Variants in NAA15 observed in about 807,000 individuals in gnomAD.
NAA15 encodes N-alpha-acetyltransferase 15, NatA auxiliary subunit, also known as N-terminal acetyltransferase.
In NAA15, 34 loss-of-function variants were observed where a neutral mutation model predicts 114.0. That is an observed-to-expected ratio of 0.30 (90% CI 0.23 to 0.40). NAA15 has a LOEUF of 0.40. NAA15 is among the 10% of genes least tolerant of loss of function. NAA15 has a pLI of 1.00. For synonymous variants in NAA15, 340 were observed against 338.0 expected (o/e 1.01, Z -0.06); for missense variants, 658 against 1,004.5 (o/e 0.66, Z 4.66).
chr4:139,353,909 G>C (rs1326850138), intron 9 of NAA15, 117 bp from the exon 10 acceptor site: 1 of 698,926 alleles, frequency 1.4e-6, no homozygotes, highest in Non-Finnish European at 2.4e-6. Flanking sequence ...TTTAATAAAG[G>C]AGGGTGTGTG....
chr4:139,330,754 G>A (rs1420913376), intron 1 of NAA15, among the ~76,000 whole-genome samples: 1 of 152,158 alleles, frequency 6.6e-6, no homozygotes, highest in Non-Finnish European at 1.5e-5. Context: ...AGGATTGCTG[G>A]AGCCTGTGAT....
chr4:139,384,790 CAG>C, intron 17 of NAA15, 40 bp from the exon 18 acceptor site: 2 of 1,257,986 alleles, frequency 1.6e-6, no homozygotes, highest in Non-Finnish European at 2.1e-6. Flanking sequence ...TAAACTTTAT[CAG>C]AGTATTCAAC....
intron 1 of NAA15, among the ~76,000 whole-genome samples, chr4:139,318,099 T>A (rs1315596392): frequency 6.6e-6 from 1 of 152,242 alleles, no homozygotes; most frequent in Non-Finnish European, 1.5e-5. Flanking sequence ...TTTTCACTTC[T>A]GTGTCCAAAA....
At chr4:139,379,079 A>C in intron 17 of NAA15, 1 of 336,376 alleles carries the variant, frequency 3.0e-6, no homozygotes, top group Non-Finnish European at 5.3e-6. Context: ...GATATTTGAG[A>C]ATCATCTTTG....
At position 139,361,874 on chromosome 4, in the gene NAA15, A is replaced by C; in HGVS notation, c.1690A>C (p.Ile564Leu). The C allele has an allele frequency of 6.2e-7, 1 of 1,613,768 alleles. No individual in the cohort carries two copies. The highest frequency in any genetic ancestry group is 8.5e-7 in the Non-Finnish European group (1 of 1,179,840). ...YFKAARIAIE[I>L]YLKLHDNPLT... Reference sequence around the variant, plus strand: ...CAAGGCAGCAAGAATTGCTATAGAGATCTATTTGAAGCTTCATGACAACCC... The same window carrying C: ...CAAGGCAGCAAGAATTGCTATAGAGCTCTATTTGAAGCTTCATGACAACCC... Residue 564 changes from isoleucine (I) to leucine (L), a missense_variant, in exon 14 of 20, where the codon ATC becomes CTC. Ile to Leu is a conservative substitution (Grantham distance 5). Transcript: ENST00000296543.
intron 6 of NAA15, among the ~76,000 whole-genome samples, chr4:139,346,075 C>T (rs1049747156): frequency 4.6e-5 from 7 of 152,034 alleles, no homozygotes; most frequent in Admixed American, 6.6e-5. Context: ...TTTTTCATAG[C>T]GTGTATTTGT....
Position 139,388,352 on chromosome 4 carries a change from C to A in NAA15, c.*268C>A. The A allele has an allele frequency of 4.0e-6, 1 of 248,178 alleles. No homozygotes were observed. The highest frequency in any genetic ancestry group is 7.8e-6 in the Non-Finnish European group (1 of 128,940). 15.4% of individuals were successfully genotyped at this position (248,178 alleles called of 1,614,324 possible). ...ACCTTATCCTATTCCTCCCCACCCA[C>A]CCATGTTTTTAAACTAATTTATATA... On this transcript the variant is annotated 3_prime_UTR_variant, in exon 20 of 20. Transcript: ENST00000296543.
At chr4:139,361,105 A>G (rs905710293) in intron 13 of NAA15, among the ~76,000 whole-genome samples, 11 of 152,140 alleles carry the variant, frequency 7.2e-5, no homozygotes, top group African/African-American at 2.4e-4. Flanking sequence ...ACTCATTTCC[A>G]TGACTAGTGG....
At chr4:139,353,345 T>C (rs766833217) in intron 9 of NAA15, among the ~76,000 whole-genome samples, 20 of 152,188 alleles carry the variant, frequency 1.3e-4, no homozygotes, top group Non-Finnish European at 2.1e-4. Flanking sequence ...TTATTGAGGT[T>C]TTGGAAAGAG....
At chr4:139,319,366 A>G (rs976901346) in intron 1 of NAA15, among the ~76,000 whole-genome samples, 1 of 151,768 alleles carries the variant, frequency 6.6e-6, no homozygotes, top group Non-Finnish European at 1.5e-5. Context: ...TTGGCCTCCC[A>G]AAGTGCTGGG....
chr4:139,369,086 C>G (rs1186195040), intron 14 of NAA15, among the ~76,000 whole-genome samples: 1 of 152,064 alleles, frequency 6.6e-6, no homozygotes, highest in East Asian at 1.9e-4. Flanking sequence ...CTGCTAGGCC[C>G]TGAAAATAAG....
chr4:139,334,255 G>A lies in NAA15; in HGVS notation c.136G>A (p.Gly46Arg), dbSNP rs750193472. The A allele has an allele frequency of 1.3e-6, 2 of 1,593,638 alleles. No individual in the cohort carries two copies. Among genetic ancestry groups the A allele is most frequent in the Non-Finnish European group, 1.7e-6 (2 of 1,170,214 alleles). The change falls in exon 2 of 20, where the codon GGA becomes AGA. Residue 46 changes from glycine to arginine, a missense_variant. This residue lies in a region of NAA15 where 75 missense variants were observed against 172.3 expected (regional missense o/e 0.44). Transcript: ENST00000296543. ...ILSNPKFAEH[G>R]ETLAMKGLTL... ...TTCTAATCCCAAATTTGCAGAGCATGGAGGTAAGTGCAAGTAGATAAAGCT... is the reference window on the plus strand; with the variant it reads ...TTCTAATCCCAAATTTGCAGAGCATAGAGGTAAGTGCAAGTAGATAAAGCT...
chr4:139,322,639 C>A (rs1263480171), intron 1 of NAA15, among the ~76,000 whole-genome samples: 2 of 152,206 alleles, frequency 1.3e-5, no homozygotes, highest in Non-Finnish European at 2.9e-5. Flanking sequence ...GCCCAGCTTT[C>A]ATAGACCTTT....
intron 9 of NAA15, 78 bp downstream of exon 9, chr4:139,351,689 C>T: frequency 1.3e-6 from 1 of 763,394 alleles, no homozygotes; most frequent in East Asian, 2.5e-5. Flanking sequence ...TTGATTATCT[C>T]TGCACAGTAG....
In NAA15 at chr4:139,329,049, T is replaced by C. The variant is rs549749478; in HGVS notation, c.55-5125T>C. Among the ~76,000 whole-genome samples, 1,134 of 135,396 alleles carry C rather than the reference T, an allele frequency of 8.4e-3. 9 individuals carry two copies. Among genetic ancestry groups the C allele is most frequent in the Non-Finnish European group, 0.011 (684 of 61,888 alleles). 88.8% of individuals were successfully genotyped at this position (135,396 alleles called of 152,430 possible). On this transcript the variant is annotated intron_variant, in intron 1 of 19. Transcript: ENST00000296543. ...CATGCCTGGCTAATTTTTTTTTTTT[T>C]TTTTGTATTTTTAGTAGAGACAAGG... is the stretch of plus-strand genomic sequence containing the variant.
At chr4:139,365,239 T>C (rs1748245057) in intron 14 of NAA15, among the ~76,000 whole-genome samples, 2 of 152,108 alleles carry the variant, frequency 1.3e-5, no homozygotes, top group South Asian at 4.1e-4. Context: ...GGTTTCTCCA[T>C]GTTGGTCGGG....
At chr4:139,313,206 C>T (rs10023356) in intron 1 of NAA15, among the ~76,000 whole-genome samples, 5,443 of 151,986 alleles carry the variant, frequency 0.036, 376 homozygotes, top group African/African-American at 0.12. Flanking sequence ...GGTTGGTTGT[C>T]TCCTTTTACA....
chr4:139,367,967 G>C (rs1748330600), intron 14 of NAA15, among the ~76,000 whole-genome samples: 1 of 152,090 alleles, frequency 6.6e-6, no homozygotes, highest in South Asian at 2.1e-4. Context: ...CTCATCTGCA[G>C]CCTCCTCAAA....
At chr4:139,367,453 T>G (rs1277489885) in intron 14 of NAA15, among the ~76,000 whole-genome samples, 1 of 152,244 alleles carries the variant, frequency 6.6e-6, no homozygotes, top group Non-Finnish European at 1.5e-5. Flanking sequence ...GCTGTCATTC[T>G]TTTCCTTCCA....
Sources: gnomAD v4.1 joint callset for allele counts (sites outside exome capture counted in the v4.1 genomes callset) on GRCh38, gnomAD v4.1.1 for gene constraint, gnomAD v4.1.1 regional missense constraint, MANE v1.5 for transcripts, NCBI Gene and HGNC (gene_info 2026-07-23, HGNC 2026-07-21) for gene names.